ACOT7: variants seen among roughly 807,000 people sequenced by gnomAD.
ACOT7 encodes cytosolic acyl coenzyme A thioester hydrolase.
Under a neutral mutation model 40.2 loss-of-function variants are expected in ACOT7, and 12 were observed. The observed-to-expected ratio is 0.30, with a 90% CI of 0.19 to 0.48. The LOEUF (loss-of-function observed/expected upper bound fraction) is 0.48, where lower values mean the gene tolerates loss of function less well. Among genes scored for constraint, ACOT7 ranks in the 20% least tolerant of loss-of-function variants. ACOT7 has a pLI of 0.99. For synonymous variants in ACOT7, 228 were observed against 219.5 expected, an observed-to-expected ratio of 1.04 and a Z score of -0.34; for missense variants, 395 against 530.8, an observed-to-expected ratio of 0.74 and a Z score of 2.51.
chr1:6,306,776 T>A lies in ACOT7; in HGVS notation c.712+11716A>T. The stretch of plus-strand genomic sequence containing the variant: ...CCTTGCCCCAACACTGAGGGTCTGG[T>A]GTGTTGTGTCCCACGTAGCAGTGGG... On this transcript the variant is annotated intron_variant, in intron 6 of 8. Coordinates refer to ENST00000361521, the MANE Select transcript of ACOT7 (RefSeq NM_007274.4). The surrounding 1 kb of genome is among the most constrained non-coding windows in gnomAD (Gnocchi z 4.3). The A allele has an allele frequency of 7.8e-7, 1 of 1,285,274 alleles. No homozygotes were observed. The highest frequency in any genetic ancestry group is 5.6e-5 in the East Asian group (1 of 17,920). 79.6% of individuals were successfully genotyped at this position (1,285,274 alleles called of 1,614,324 possible).
intron 1 of ACOT7, 65 bp downstream of exon 1, chr1:6,393,192 G>A: frequency 8.2e-7 from 1 of 1,221,898 alleles, no homozygotes; most frequent in Non-Finnish European, 1.0e-6. Context: ...GAGCCAAGCG[G>A]GGCAGGCCTG....
At chr1:6,363,358 T>A (rs947981763) in intron 1 of ACOT7, among the ~76,000 whole-genome samples, 5 of 151,308 alleles carry the variant, frequency 3.3e-5, no homozygotes, top group African/African-American at 1.2e-4. Flanking sequence ...GGAAAGGGAG[T>A]CTCCCTTTCC....
rs190980583 is a variant in ACOT7, at chr1:6,298,317, T to G, written c.713-3337A>C. ...GCCCAGCTAATTTTTGTATTGTTAGTGGAGTCGGGGTTTCACCATGTTGAC... is the reference window on the plus strand; with the variant it reads ...GCCCAGCTAATTTTTGTATTGTTAGGGGAGTCGGGGTTTCACCATGTTGAC... On this transcript the variant is annotated intron_variant, in intron 6 of 8. Transcript: ENST00000361521. 7.9e-3 allele frequency among the ~76,000 whole-genome samples: 1,203 copies of G among 152,314 alleles called. 6 individuals are homozygous for G. The highest frequency in any genetic ancestry group is 0.013 in the Non-Finnish European group (891 of 68,030).
At position 6,294,213 on chromosome 1, in the gene ACOT7, G is replaced by C. The variant is rs150579117; in HGVS notation, c.829+651C>G. On this transcript the variant is annotated intron_variant, in intron 7 of 8. Transcript: ENST00000361521. This position sits in a 1 kb window ranked among gnomAD's most constrained non-coding sequence, Gnocchi z 4.6. ...ACGTCACACTGACAAAAATCACCAC[G>C]TGTCAGGTGCACTTCACTGTACTTC... Among the ~76,000 whole-genome samples the C allele has an allele frequency of 6.6e-6, 1 of 152,354 alleles. No individual in the cohort carries two copies. The highest frequency in any genetic ancestry group is 2.4e-5 in the African/African-American group (1 of 41,586).
At chr1:6,363,828 T>G (rs1354866280) in intron 1 of ACOT7, among the ~76,000 whole-genome samples, 2 of 152,214 alleles carry the variant, frequency 1.3e-5, no homozygotes, top group African/African-American at 4.8e-5. Context: ...CCCAGCTGTC[T>G]TTTATCTCTT....
chr1:6,291,142 G>C (rs1434594884), intron 7 of ACOT7, among the ~76,000 whole-genome samples: 1 of 152,152 alleles, frequency 6.6e-6, no homozygotes, highest in Non-Finnish European at 1.5e-5. Context: ...TTTCTAGTGG[G>C]TTCCCAAATG....
chr1:6,388,560 G>A (rs1642479515), intron 1 of ACOT7, among the ~76,000 whole-genome samples: 1 of 146,392 alleles, frequency 6.8e-6, no homozygotes, highest in Non-Finnish European at 1.5e-5. Flanking sequence ...CAAACACAGT[G>A]AAACCCCGTC....
chr1:6,371,040 A>C lies in ACOT7; in HGVS notation c.144-21174T>G, dbSNP rs186652873. On this transcript the variant is annotated intron_variant, in intron 1 of 8. Coordinates refer to ENST00000361521, the MANE Select transcript of ACOT7 (RefSeq NM_007274.4). ...TGGCCAGGCTGGTCTTGAACTCCTGACCTCGTGATCCACTTGCCTCAGCCT... is the reference window on the plus strand; with the variant it reads ...TGGCCAGGCTGGTCTTGAACTCCTGCCCTCGTGATCCACTTGCCTCAGCCT... Among the ~76,000 whole-genome samples, 1,223 of 151,526 alleles carry C rather than the reference A, an allele frequency of 8.1e-3. 11 individuals carry two copies. The highest frequency in any genetic ancestry group is 0.062 in the Middle Eastern group (18 of 288).
chr1:6,383,189 A>ATTTTTTTTT (rs962032729), intron 1 of ACOT7, among the ~76,000 whole-genome samples: 1 of 135,788 alleles, frequency 7.4e-6, no homozygotes, highest in African/African-American at 2.7e-5. Flanking sequence ...AAGATGGCAG[A>ATTTTTTTTT]TTTTTTTTTT....
intron 8 of ACOT7, among the ~76,000 whole-genome samples, chr1:6,272,937 G>A (rs1281240337): frequency 2.6e-5 from 4 of 152,204 alleles, no homozygotes; most frequent in African/African-American, 9.7e-5. Context: ...CACTCTGTCC[G>A]TGTCACAAAT....
intron 1 of ACOT7, among the ~76,000 whole-genome samples, chr1:6,354,417 A>G (rs1641681253): frequency 6.6e-6 from 1 of 152,180 alleles, no homozygotes; most frequent in Non-Finnish European, 1.5e-5. Flanking sequence ...ACAGAAAGCA[A>G]CCCCACAAAG....
intron 8 of ACOT7, among the ~76,000 whole-genome samples, chr1:6,272,006 C>G (rs1399333612): frequency 6.6e-6 from 1 of 152,282 alleles, no homozygotes. Flanking sequence ...GCTCACAGCT[C>G]TTGTGCCGGA....
intron 7 of ACOT7, among the ~76,000 whole-genome samples, chr1:6,293,612 G>C (rs1313622316): frequency 6.6e-6 from 1 of 152,174 alleles, no homozygotes; most frequent in Non-Finnish European, 1.5e-5. Flanking sequence ...GAGGTGAGAG[G>C]ATCACTTGAG....
intron 7 of ACOT7, among the ~76,000 whole-genome samples, chr1:6,284,298 C>A (rs1048427115): frequency 5.3e-5 from 8 of 152,056 alleles, no homozygotes; most frequent in Non-Finnish European, 1.2e-4. Flanking sequence ...AGCTACAGAC[C>A]GGGCGCAGTG....
At position 6,264,408 on chromosome 1, in the gene ACOT7, G is replaced by A. The variant is rs1638752509; in HGVS notation, c.*189C>T. On this transcript the variant is annotated 3_prime_UTR_variant, in exon 9 of 9. Coordinates refer to ENST00000361521, the MANE Select transcript of ACOT7 (RefSeq NM_007274.4). ...CACTGTGTAGCATTGATACTGGAAT[G>A]ATATAAATAAAGCTTTGGTGTGTAG... is the stretch of plus-strand genomic sequence containing the variant. 1.7e-6 allele frequency: 1 copy of A among 605,998 alleles called. No homozygotes were observed. Among genetic ancestry groups the A allele is most frequent in the African/African-American group, 1.9e-5 (1 of 53,858 alleles). 37.5% of individuals were successfully genotyped at this position (605,998 alleles called of 1,614,324 possible). A position where few individuals can be genotyped will look rare whatever the true frequency, so the allele number is the denominator to read the frequency against.
chr1:6,310,992 C>G (rs547556913), intron 6 of ACOT7, among the ~76,000 whole-genome samples: 1 of 152,308 alleles, frequency 6.6e-6, no homozygotes, highest in East Asian at 1.9e-4. Flanking sequence ...CCTGCCTTGG[C>G]CTCCCAAAGT....
At chr1:6,302,402 G>A (rs1481180729) in intron 6 of ACOT7, among the ~76,000 whole-genome samples, 1 of 152,132 alleles carries the variant, frequency 6.6e-6, no homozygotes, top group Non-Finnish European at 1.5e-5. Context: ...AAAACCAAGC[G>A]TTTGGCCTTG....
rs533272248 is a variant in ACOT7, at chr1:6,358,418, C to A, written c.144-8552G>T. 3.3e-4 allele frequency among the ~76,000 whole-genome samples: 50 copies of A among 152,308 alleles called. No individual in the cohort carries two copies. Among genetic ancestry groups the A allele is most frequent in the African/African-American group, 1.2e-3 (48 of 41,560 alleles). On this transcript the variant is annotated intron_variant, in intron 1 of 8. Coordinates refer to ENST00000361521, the MANE Select transcript of ACOT7 (RefSeq NM_007274.4). This position sits in a 1 kb window ranked among gnomAD's most constrained non-coding sequence, Gnocchi z 4.1. ...GAGGCTCCTTGTGCAGCCCACAGAC[C>A]CCCCCTCCACCGCAGGTAGGAAGCT...
intron 1 of ACOT7, among the ~76,000 whole-genome samples, chr1:6,361,465 G>T (rs1206953144): frequency 2.0e-5 from 3 of 152,168 alleles, no homozygotes; most frequent in Non-Finnish European, 4.4e-5. Context: ...AATCAAAAAG[G>T]GTAGACTCAA....
Sources: allele counts gnomAD v4.1 joint callset (sites outside exome capture counted in the v4.1 genomes callset), GRCh38; gene constraint gnomAD v4.1.1; non-coding constraint Gnocchi (gnomAD v3.1); transcripts MANE v1.5; gene names NCBI Gene and HGNC (gene_info 2026-07-23, HGNC 2026-07-21).